The following GABRA5 variants were observed in gnomAD, a reference collection of about 807,000 sequenced individuals.
GABRA5 encodes gamma-aminobutyric acid type A receptor subunit alpha5.
Under a neutral mutation model 47.3 loss-of-function variants are expected in GABRA5, and 18 were observed. The ratio of observed to expected loss-of-function variants is 0.38; its 90% confidence interval spans 0.26 to 0.56. GABRA5 has a LOEUF of 0.56. GABRA5 is among the 20% of genes least tolerant of loss of function. The pLI is 0.71. For synonymous variants in GABRA5, 237 were observed against 229.3 expected (o/e 1.03, Z -0.30); for missense variants, 365 against 599.3 (o/e 0.61, Z 4.08).
chr15:26,937,093 C>A, intron 7 of GABRA5, 92 bp from the exon 8 acceptor site: 1 of 1,476,410 alleles, frequency 6.8e-7, no homozygotes, highest in Non-Finnish European at 9.5e-7. Context: ...ACGTTCTCAT[C>A]CTCTCTCTTG....
chr15:26,913,105 AC>A (rs35340399), intron 6 of GABRA5, among the ~76,000 whole-genome samples: 55,204 of 149,914 alleles, frequency 0.37, 10,378 homozygotes, highest in East Asian at 0.54. Context: ...AATTGCTTGA[AC>A]CCGGGAGTGG....
chr15:26,870,857 T>C (rs1892450463), intron 3 of GABRA5, among the ~76,000 whole-genome samples: 1 of 152,240 alleles, frequency 6.6e-6, no homozygotes, highest in African/African-American at 2.4e-5. Context: ...ATTTTGGTGG[T>C]GAAGAATATA....
intron 6 of GABRA5, among the ~76,000 whole-genome samples, chr15:26,895,004 G>A (rs548114851): frequency 3.9e-5 from 6 of 152,052 alleles, no homozygotes; most frequent in Admixed American, 6.6e-5. Context: ...GCTGGGGTCT[G>A]AAACTGAGCC....
At chr15:26,929,071 T>C (rs912101418) in intron 7 of GABRA5, among the ~76,000 whole-genome samples, 4 of 152,154 alleles carry the variant, frequency 2.6e-5, no homozygotes, top group African/African-American at 9.7e-5. Context: ...ATTCTTCCCC[T>C]GGACACCCAG....
chr15:26,893,404 GTTGTGTGTGT>G (rs1893079990), intron 6 of GABRA5, among the ~76,000 whole-genome samples: 1 of 1,214 alleles, frequency 8.2e-4, no homozygotes, highest in Non-Finnish European at 2.0e-3. Context: ...TGTATGGTGT[GTTGTGTGTGT>G]TGTGTGTGTA....
chr15:26,898,022 C>T (rs1893240558), intron 6 of GABRA5, among the ~76,000 whole-genome samples: 1 of 152,108 alleles, frequency 6.6e-6, no homozygotes, highest in Admixed American at 6.5e-5. Flanking sequence ...CAGATATTCC[C>T]AGAATATTTG....
intron 6 of GABRA5, among the ~76,000 whole-genome samples, chr15:26,909,752 C>A (rs1434594895): frequency 6.6e-6 from 1 of 152,210 alleles, no homozygotes; most frequent in Non-Finnish European, 1.5e-5. Context: ...CCAGGATTAT[C>A]TCTCCATCCC....
chr15:26,931,215 G>T lies in GABRA5; in HGVS notation c.581-5970G>T, dbSNP rs1020802011. ...CGCCCGGCCGCCAATTTCTATCTGGGTTCATTCAGTCTGCTATAACAGAAT... is the reference window on the plus strand; with the variant it reads ...CGCCCGGCCGCCAATTTCTATCTGGTTTCATTCAGTCTGCTATAACAGAAT... On this transcript the variant is annotated intron_variant, in intron 7 of 10. Coordinates refer to ENST00000335625, the MANE Select transcript of GABRA5 (RefSeq NM_000810.4). 3.3e-4 allele frequency among the ~76,000 whole-genome samples: 50 copies of T among 152,208 alleles called. 1 individual carries two copies. Among genetic ancestry groups the T allele is most frequent in the Middle Eastern group, 6.8e-3 (2 of 294 alleles).
chr15:26,914,690 A>T (rs1893679613), intron 6 of GABRA5, 113 bp from the exon 7 acceptor site: 2 of 749,416 alleles, frequency 2.7e-6, no homozygotes, highest in Admixed American at 4.2e-5. Context: ...ATAATCTCAT[A>T]AGAGACATTA....
intron 7 of GABRA5, among the ~76,000 whole-genome samples, chr15:26,932,819 A>T (rs1287808786): frequency 6.6e-6 from 1 of 152,158 alleles, no homozygotes; most frequent in Non-Finnish European, 1.5e-5. Flanking sequence ...TGCTGAAGCC[A>T]TCATCCTCAG....
In GABRA5 at chr15:26,948,149, C is replaced by G; in HGVS notation, c.1305C>G (p.Val435=). 1 of 1,613,870 alleles carries G rather than the reference C, an allele frequency of 6.2e-7. No individual in the cohort carries two copies. The highest frequency in any genetic ancestry group is 2.2e-5 in the East Asian group (1 of 44,876). Residue 435 remains valine, a synonymous_variant, in exon 11 of 11, where the codon GTC becomes GTG. Coordinates refer to ENST00000335625, the MANE Select transcript of GABRA5 (RefSeq NM_000810.4). ...AAATGTCCCGAATCGTATTCCCAGT[C>G]TTGTTCGGCACTTTCAACTTAGTTT... The part of the protein sequence containing the change: ...IDKMSRIVFP[V]LFGTFNLVYW...
At chr15:26,939,826 A>T in intron 8 of GABRA5, 99 bp from the exon 9 acceptor site, 1 of 1,226,830 alleles carries the variant, frequency 8.2e-7, no homozygotes, top group Non-Finnish European at 1.2e-6. Flanking sequence ...TGCTTGTCCA[A>T]ACCGACAGGG....
chr15:26,937,345 C>T lies in GABRA5; in HGVS notation c.724+17C>T, dbSNP rs374261310. Reference sequence around the variant, plus strand: ...CCAGCACAGGTGAGGGCTCGGCACGCGCTGTGCTGCCAGGCGCACTCAGGA... The same window carrying T: ...CCAGCACAGGTGAGGGCTCGGCACGTGCTGTGCTGCCAGGCGCACTCAGGA... On this transcript the variant is annotated intron_variant, in intron 8 of 10. Coordinates refer to ENST00000335625, the MANE Select transcript of GABRA5 (RefSeq NM_000810.4). The T allele has an allele frequency of 1.1e-4, 179 of 1,590,642 alleles. No individual in the cohort carries two copies. The highest frequency in any genetic ancestry group is 1.6e-4 in the Admixed American group (9 of 57,690).
At position 26,948,104 on chromosome 15, in the gene GABRA5, C is replaced by G. The variant is rs1894558477; in HGVS notation, c.1260C>G (p.Asn420Lys). ...CTTCTGAAAGCAAAAAGACTTACAACAGTATCAGCAAAATTGACAAAATGT... is the reference window on the plus strand; with the variant it reads ...CTTCTGAAAGCAAAAAGACTTACAAGAGTATCAGCAAAATTGACAAAATGT... ...EKTSESKKTY[N>K]SISKIDKMSR... The change falls in exon 11 of 11, where the codon AAC becomes AAG. Residue 420 changes from asparagine (N) to lysine (K), a missense_variant. Asn to Lys is a moderately conservative substitution (Grantham distance 94, BLOSUM62 0). This residue lies in a region of GABRA5 where 106 missense variants were observed against 130.3 expected (regional missense o/e 0.81). Transcript: ENST00000335625. The G allele has an allele frequency of 6.2e-7, 1 of 1,612,764 alleles. No homozygotes were observed. Among genetic ancestry groups the G allele is most frequent in the African/African-American group, 1.3e-5 (1 of 74,930 alleles).
At chr15:26,886,006 T>G (rs1595399637) in intron 6 of GABRA5, among the ~76,000 whole-genome samples, 2 of 141,172 alleles carry the variant, frequency 1.4e-5, no homozygotes, top group African/African-American at 5.0e-5. Context: ...ACCATATATA[T>G]GCAGTTTGCT....
chr15:26,900,145 A>G (rs946412593), intron 6 of GABRA5, among the ~76,000 whole-genome samples: 5 of 152,114 alleles, frequency 3.3e-5, no homozygotes, highest in African/African-American at 1.2e-4. Flanking sequence ...AGTTTCAGTC[A>G]TATATAAAAA....
intron 6 of GABRA5, among the ~76,000 whole-genome samples, chr15:26,887,293 A>G (rs1892901777): frequency 6.6e-6 from 1 of 152,196 alleles, no homozygotes; most frequent in Admixed American, 6.5e-5. Flanking sequence ...ACAAAATATG[A>G]AAGTGTAGAA....
chr15:26,898,567 G>T (rs1284421937), intron 6 of GABRA5, among the ~76,000 whole-genome samples: 1 of 152,202 alleles, frequency 6.6e-6, no homozygotes, highest in Non-Finnish European at 1.5e-5. Context: ...CTGTAGGATG[G>T]AAGACTGGCA....
At chr15:26,923,876 A>G (rs1383341178) in intron 7 of GABRA5, among the ~76,000 whole-genome samples, 2 of 151,828 alleles carry the variant, frequency 1.3e-5, no homozygotes, top group African/African-American at 4.8e-5. Context: ...GGAACTTTTT[A>G]TCATGGATAT....
Sources: allele counts gnomAD v4.1 joint callset (sites outside exome capture counted in the v4.1 genomes callset), GRCh38; gene constraint gnomAD v4.1.1; regional missense constraint gnomAD v4.1.1; transcripts MANE v1.5; gene names NCBI Gene and HGNC (gene_info 2026-07-23, HGNC 2026-07-21).